The following RAB11FIP4 variants were observed in gnomAD, a reference collection of about 807,000 sequenced individuals.
The protein encoded by RAB11FIP4 is rab11 family-interacting protein 4.
Under a neutral mutation model 74.3 loss-of-function variants are expected in RAB11FIP4, and 23 were observed. The observed-to-expected ratio is 0.31, with a 90% CI of 0.22 to 0.44. The LOEUF (loss-of-function observed/expected upper bound fraction) is 0.44, where lower values mean the gene tolerates loss of function less well. RAB11FIP4 is among the 20% of genes least tolerant of loss of function. The pLI is 1.00. For synonymous variants in RAB11FIP4, 360 were observed against 359.9 expected (o/e 1.00, Z 0.00); for missense variants, 630 against 863.9 (o/e 0.73, Z 3.39).
chr17:31,392,950 G>A (rs1039312604), intron 1 of RAB11FIP4, among the ~76,000 whole-genome samples: 4 of 152,228 alleles, frequency 2.6e-5, no homozygotes, highest in African/African-American at 9.6e-5. Context: ...GGGGCCATGG[G>A]CCTCAAATGG....
At chr17:31,426,948 AT>A (rs2151625939) in intron 1 of RAB11FIP4, among the ~76,000 whole-genome samples, 1 of 149,192 alleles carries the variant, frequency 6.7e-6, no homozygotes, top group Non-Finnish European at 1.5e-5. Flanking sequence ...GTGCCTGGCC[AT>A]TTTTGTTTTT....
In RAB11FIP4 at chr17:31,410,329, G is replaced by GGAT. The variant is rs1324645740; in HGVS notation, c.159+18333_159+18335dup. Among the ~76,000 whole-genome samples, 576 of 152,220 alleles carry GGAT rather than the reference G, an allele frequency of 3.8e-3. 6 individuals carry two copies. The highest frequency in any genetic ancestry group is 0.013 in the African/African-American group (531 of 41,520). On this transcript the variant is annotated intron_variant, in intron 1 of 14. Transcript: ENST00000621161. ...CCACCACGTGGTCCCAGGATGATGAGGATGATGATGATGATGAAGGAGAAA... is the reference window on the plus strand; with the variant it reads ...CCACCACGTGGTCCCAGGATGATGAGGATGATGATGATGATGATGAAGGAGAAA...
intron 3 of RAB11FIP4, among the ~76,000 whole-genome samples, chr17:31,494,104 G>A (rs1483325882): frequency 1.3e-5 from 2 of 152,180 alleles, no homozygotes; most frequent in African/African-American, 4.8e-5. Context: ...CCCAGTCTAG[G>A]TTCTGGCCTT....
At chr17:31,498,223 A>G (rs1196507760) in intron 3 of RAB11FIP4, among the ~76,000 whole-genome samples, 1 of 152,170 alleles carries the variant, frequency 6.6e-6, no homozygotes, top group South Asian at 2.1e-4. Context: ...ACCTGTCCCC[A>G]CTGCGAGAAA....
chr17:31,459,621 G>A (rs949841209), intron 3 of RAB11FIP4, among the ~76,000 whole-genome samples: 1 of 152,066 alleles, frequency 6.6e-6, no homozygotes, highest in Non-Finnish European at 1.5e-5. Context: ...GACTTCCCAG[G>A]CACTGCTGCC....
intron 3 of RAB11FIP4, among the ~76,000 whole-genome samples, chr17:31,435,816 G>A (rs1363681134): frequency 1.3e-5 from 2 of 152,190 alleles, no homozygotes; most frequent in African/African-American, 4.8e-5. Flanking sequence ...GTGGGCCAGG[G>A]CCCCCAGGCT....
intron 3 of RAB11FIP4, among the ~76,000 whole-genome samples, chr17:31,487,635 C>T (rs1018930402): frequency 1.3e-5 from 2 of 152,222 alleles, no homozygotes; most frequent in Non-Finnish European, 2.9e-5. Flanking sequence ...CGGCGGCGGA[C>T]CGTGTGGGGC....
intron 3 of RAB11FIP4, among the ~76,000 whole-genome samples, chr17:31,494,873 GA>G (rs766455913): frequency 7.2e-5 from 11 of 152,234 alleles, no homozygotes; most frequent in South Asian, 2.1e-4. Context: ...GTCTGTGAAT[GA>G]GATGTCAAGC....
chr17:31,449,400 G>T (rs1209114893), intron 3 of RAB11FIP4, among the ~76,000 whole-genome samples: 2 of 152,148 alleles, frequency 1.3e-5, no homozygotes, highest in Non-Finnish European at 2.9e-5. Context: ...GCACCCGCTT[G>T]ACCACACATC....
intron 1 of RAB11FIP4, among the ~76,000 whole-genome samples, chr17:31,418,578 C>T (rs894181626): frequency 6.6e-6 from 1 of 151,298 alleles, no homozygotes; most frequent in Non-Finnish European, 1.5e-5. Context: ...ATTCTCCCGC[C>T]TCAGCCTCCG....
intron 3 of RAB11FIP4, among the ~76,000 whole-genome samples, chr17:31,446,061 A>C (rs1216229771): frequency 6.7e-6 from 1 of 148,910 alleles, no homozygotes; most frequent in Non-Finnish European, 1.5e-5. Flanking sequence ...AATGACATTG[A>C]CCTTTTTAAA....
intron 1 of RAB11FIP4, among the ~76,000 whole-genome samples, chr17:31,406,145 T>A (rs922137752): frequency 2.0e-5 from 3 of 152,168 alleles, no homozygotes; most frequent in Admixed American, 6.5e-5. Flanking sequence ...GATGATGCCC[T>A]CCAGAGGGCG....
In RAB11FIP4 at chr17:31,407,852, G is replaced by A. The variant is rs147306370; in HGVS notation, c.159+15841G>A. Among the ~76,000 whole-genome samples the A allele has an allele frequency of 1.7e-3, 263 of 152,178 alleles. 3 individuals carry two copies. Among genetic ancestry groups the A allele is most frequent in the African/African-American group, 6.0e-3 (249 of 41,500 alleles). ...CCCTTATAATTAATAGGTAATCTGTGGGACCATACCTTGGGACAGTGTAAA... is the reference window on the plus strand; with the variant it reads ...CCCTTATAATTAATAGGTAATCTGTAGGACCATACCTTGGGACAGTGTAAA... On this transcript the variant is annotated intron_variant, in intron 1 of 14. Transcript: ENST00000621161.
At position 31,392,009 on chromosome 17, in the gene RAB11FIP4, G is replaced by T; in HGVS notation, c.157G>T (p.Glu53Ter). ...ALGLRFGQGEEVEKLVKYLDP... is the reference protein window; with the variant it reads ...ALGLRFGQGE The stretch of plus-strand genomic sequence containing the variant: ...CGGACTGCGCTTCGGCCAGGGCGAG[G>T]AGGTAAGCTGGCCCGACCCCAGTCC... Residue 53 changes from glutamate (E) to a stop codon, truncating the protein, a stop_gained and splice_region_variant, in exon 1 of 15, where the codon GAG becomes TAG. Coordinates refer to ENST00000621161, the MANE Select transcript of RAB11FIP4 (RefSeq NM_032932.6). LOFTEE classifies it high-confidence loss of function. The T allele has an allele frequency of 7.6e-7, 1 of 1,319,688 alleles. No homozygotes were observed. The highest frequency in any genetic ancestry group is 2.0e-5 in the South Asian group (1 of 49,910). The allele number at this position is 1,319,688 out of a possible 1,614,324, so 81.7% of individuals were successfully genotyped here.
Position 31,537,025 on chromosome 17 carries a change from G to C in RAB11FIP4, c.*5293G>C. 1 of 399,338 alleles carries C rather than the reference G, an allele frequency of 2.5e-6. No homozygotes were observed. Among genetic ancestry groups the C allele is most frequent in the Admixed American group, 4.4e-5 (1 of 22,744 alleles). The allele number at this position is 399,338 out of a possible 1,614,324, so 24.7% of individuals were successfully genotyped here. On this transcript the variant is annotated 3_prime_UTR_variant, in exon 15 of 15. Transcript: ENST00000621161. Reference sequence around the variant, plus strand: ...GGCATCCAGGCCATGTCTCCTGCAGGATCCAAGTGCTGTTGTCCCCAGGGT... The same window carrying C: ...GGCATCCAGGCCATGTCTCCTGCAGCATCCAAGTGCTGTTGTCCCCAGGGT...
At chr17:31,478,088 G>A (rs1168916140) in intron 3 of RAB11FIP4, among the ~76,000 whole-genome samples, 1 of 151,684 alleles carries the variant, frequency 6.6e-6, no homozygotes, top group Non-Finnish European at 1.5e-5. Flanking sequence ...CACCTCCTGG[G>A]TTCAAGCGAT....
In RAB11FIP4 at chr17:31,533,191, G is replaced by C. The variant is rs2142839089; in HGVS notation, c.*1459G>C. 1 of 152,352 alleles carries C rather than the reference G, an allele frequency of 6.6e-6. No individual in the cohort carries two copies. The highest frequency in any genetic ancestry group is 1.9e-4 in the East Asian group (1 of 5,172). 9.4% of individuals were successfully genotyped at this position (152,352 alleles called of 1,614,324 possible). A position where few individuals can be genotyped will look rare whatever the true frequency, so the allele number is the denominator to read the frequency against. ...GTGAGGAGAGGGGATCTGGGGACTT[G>C]GGTGTGACACCTGCTTGACAGAGGC... On this transcript the variant is annotated 3_prime_UTR_variant, in exon 15 of 15. Coordinates refer to ENST00000621161, the MANE Select transcript of RAB11FIP4 (RefSeq NM_032932.6).
At chr17:31,436,656 C>A (rs757575462) in intron 3 of RAB11FIP4, among the ~76,000 whole-genome samples, 11 of 152,284 alleles carry the variant, frequency 7.2e-5, no homozygotes, top group South Asian at 4.1e-4. Context: ...GAAAGAAAGA[C>A]CGCGTCAGCC....
At chr17:31,453,235 C>T (rs2142705750) in intron 3 of RAB11FIP4, among the ~76,000 whole-genome samples, 1 of 151,726 alleles carries the variant, frequency 6.6e-6, no homozygotes, top group East Asian at 1.9e-4. Context: ...CCTGTAGTCC[C>T]AGCTACTCAG....
Sources: allele counts gnomAD v4.1 joint callset (sites outside exome capture counted in the v4.1 genomes callset), GRCh38; gene constraint gnomAD v4.1.1; transcripts MANE v1.5; gene names NCBI Gene and HGNC (gene_info 2026-07-23, HGNC 2026-07-21).